The following PPFIA2 variants were observed in gnomAD, a reference collection of about 807,000 sequenced individuals.
PPFIA2 encodes the protein liprin-alpha-2.
A neutral mutation model predicts 175.5 loss-of-function variants in PPFIA2; 46 were observed. That is an observed-to-expected ratio of 0.26 (90% CI 0.21 to 0.34). The LOEUF is 0.34. Among genes scored for constraint, PPFIA2 ranks in the 10% least tolerant of loss-of-function variants. The pLI is 1.00. For synonymous variants in PPFIA2, 568 were observed against 511.4 expected, an observed-to-expected ratio of 1.11 and a Z score of -1.49; for missense variants, 1,179 against 1,506.1, an observed-to-expected ratio of 0.78 and a Z score of 3.60.
chr12:81,258,872 T>C lies in PPFIA2; in HGVS notation c.*822A>G, dbSNP rs531638856. On this transcript the variant is annotated 3_prime_UTR_variant, in exon 33 of 33. Coordinates refer to ENST00000549396, the MANE Select transcript of PPFIA2 (RefSeq NM_003625.5). ...AAGAAGTTTTTTTATCTTTTTTTTTTTCTTGGTCCACAGGTAACAAGAGAA... is the reference window on the plus strand; with the variant it reads ...AAGAAGTTTTTTTATCTTTTTTTTTCTCTTGGTCCACAGGTAACAAGAGAA... The C allele has an allele frequency of 1.3e-5, 2 of 152,108 alleles. No homozygotes were observed. Among genetic ancestry groups the C allele is most frequent in the Non-Finnish European group, 2.9e-5 (2 of 68,090 alleles). The allele number at this position is 152,108 out of a possible 1,614,324, so 9.4% of individuals were successfully genotyped here.
intron 21 of PPFIA2, among the ~76,000 whole-genome samples, chr12:81,326,214 T>G (rs562981740): frequency 6.6e-6 from 1 of 152,302 alleles, no homozygotes; most frequent in South Asian, 2.1e-4. Flanking sequence ...CAAATATCTA[T>G]GCAGCGTGTG....
intron 5 of PPFIA2, among the ~76,000 whole-genome samples, chr12:81,450,112 GTCTT>G (rs1433156752): frequency 1.3e-5 from 2 of 152,106 alleles, no homozygotes; most frequent in Non-Finnish European, 2.9e-5. Context: ...GTGTGCATGT[GTCTT>G]TATAGCATCA....
chr12:81,279,878 G>A (rs1262146165), intron 27 of PPFIA2, among the ~76,000 whole-genome samples: 1 of 152,068 alleles, frequency 6.6e-6, no homozygotes, highest in African/African-American at 2.4e-5. Flanking sequence ...GTACAAAGTT[G>A]TTTCTTCTAT....
Position 81,281,237 on chromosome 12 carries a change from A to T in PPFIA2, c.3212+20T>A. 6.6e-7 allele frequency: 1 copy of T among 1,514,830 alleles called. No homozygotes were observed. The highest frequency in any genetic ancestry group is 2.3e-5 in the East Asian group (1 of 43,110). The allele number at this position is 1,514,830 out of a possible 1,614,324, so 93.8% of individuals were successfully genotyped here. ...TTCATTTTAATTATTCTTTGGGGAA[A>T]AAAAAGAAAAAACACCTACCGATGG... On this transcript the variant is annotated intron_variant, in intron 27 of 32. Coordinates refer to ENST00000549396, the MANE Select transcript of PPFIA2 (RefSeq NM_003625.5).
chr12:81,705,623 G>A (rs2077043071), intron 3 of PPFIA2, among the ~76,000 whole-genome samples: 1 of 152,088 alleles, frequency 6.6e-6, no homozygotes, highest in African/African-American at 2.4e-5. Flanking sequence ...CAATATCTCA[G>A]TGAATTAATA....
chr12:81,440,841 T>C (rs1293527866), intron 6 of PPFIA2, among the ~76,000 whole-genome samples: 1 of 149,580 alleles, frequency 6.7e-6, no homozygotes, highest in African/African-American at 2.5e-5. Context: ...TATAAAACAA[T>C]TCAGAGAAAG....
chr12:81,734,121 T>C (rs147200889), intron 3 of PPFIA2, among the ~76,000 whole-genome samples: 199 of 151,884 alleles, frequency 1.3e-3, no homozygotes, highest in Non-Finnish European at 1.1e-3. Context: ...TCAGGGTGCA[T>C]ATTGTGCCCA....
At chr12:81,485,475 A>G (rs893044976) in intron 4 of PPFIA2, among the ~76,000 whole-genome samples, 5 of 151,804 alleles carry the variant, frequency 3.3e-5, no homozygotes, top group Admixed American at 2.0e-4. Flanking sequence ...GAAATAAAAG[A>G]GTACTTTCCC....
chr12:81,526,687 T>C (rs945463656), intron 4 of PPFIA2, among the ~76,000 whole-genome samples: 8 of 152,308 alleles, frequency 5.3e-5, no homozygotes, highest in Admixed American at 2.0e-4. Context: ...ATTGTGGAAA[T>C]AGAACACTAT....
At chr12:81,554,755 T>A in intron 4 of PPFIA2, among the ~76,000 whole-genome samples, 1 of 152,064 alleles carries the variant, frequency 6.6e-6, no homozygotes, top group East Asian at 1.9e-4. Flanking sequence ...TTAGATCAGG[T>A]GGACATTTAT....
At chr12:81,509,765 C>A (rs1468274587) in intron 4 of PPFIA2, among the ~76,000 whole-genome samples, 1 of 152,120 alleles carries the variant, frequency 6.6e-6, no homozygotes, top group African/African-American at 2.4e-5. Flanking sequence ...CTAGCTTGAA[C>A]AAGAAAGGAA....
rs577089007 is a variant in PPFIA2, at chr12:81,749,563, C to CA, written c.249+4409dup. On this transcript the variant is annotated intron_variant, in intron 3 of 32. Transcript: ENST00000549396. ...TAACTGACAATTATTCCCCCATTCTCAAAAATGTGTAGGATTATTTTGTCA... is the reference window on the plus strand; with the variant it reads ...TAACTGACAATTATTCCCCCATTCTCAAAAAATGTGTAGGATTATTTTGTCA... Among the ~76,000 whole-genome samples, 7 of 144,052 alleles carry CA rather than the reference C, an allele frequency of 4.9e-5. 1 individual carries two copies. The South Asian group carries it at 1.6e-3, about 32-fold the overall frequency. 94.5% of individuals were successfully genotyped at this position (144,052 alleles called of 152,430 possible).
intron 22 of PPFIA2, among the ~76,000 whole-genome samples, chr12:81,322,036 C>G (rs772739326): frequency 1.3e-5 from 2 of 152,118 alleles, no homozygotes; most frequent in Non-Finnish European, 2.9e-5. Context: ...GGGTCTCACT[C>G]TGCTGCCCAG....
intron 9 of PPFIA2, among the ~76,000 whole-genome samples, chr12:81,382,807 A>G (rs1367115996): frequency 6.6e-6 from 1 of 152,130 alleles, no homozygotes; most frequent in African/African-American, 2.4e-5. Flanking sequence ...AAAGAAGGAC[A>G]AGTTGGAGAT....
chr12:81,516,680 A>G (rs903148329), intron 4 of PPFIA2, among the ~76,000 whole-genome samples: 1 of 152,202 alleles, frequency 6.6e-6, no homozygotes, highest in Non-Finnish European at 1.5e-5. Context: ...AGATTCTTGC[A>G]AAGAGCCTTC....
At chr12:81,655,008 A>G (rs2153537630) in intron 4 of PPFIA2, among the ~76,000 whole-genome samples, 1 of 152,110 alleles carries the variant, frequency 6.6e-6, no homozygotes, top group Non-Finnish European at 1.5e-5. Flanking sequence ...GTATCACCTG[A>G]ATTTTTTATT....
chr12:81,723,514 T>C (rs2079629143), intron 3 of PPFIA2, among the ~76,000 whole-genome samples: 1 of 150,974 alleles, frequency 6.6e-6, no homozygotes, highest in Non-Finnish European at 1.5e-5. Flanking sequence ...GGGAAATAAA[T>C]GAAATGCATT....
chr12:81,655,272 T>C (rs2067607994), intron 4 of PPFIA2, among the ~76,000 whole-genome samples: 1 of 151,868 alleles, frequency 6.6e-6, no homozygotes, highest in African/African-American at 2.4e-5. Context: ...TTATCCTCTA[T>C]ATTAAATATT....
chr12:81,411,673 A>G (rs150197254), intron 7 of PPFIA2, among the ~76,000 whole-genome samples: 4 of 152,160 alleles, frequency 2.6e-5, no homozygotes, highest in Admixed American at 2.0e-4. Flanking sequence ...TTTCTTTGAT[A>G]TCCTGGAGAG....
Sources: allele counts gnomAD v4.1 joint callset (sites outside exome capture counted in the v4.1 genomes callset), GRCh38; gene constraint gnomAD v4.1.1; transcripts MANE v1.5; gene names NCBI Gene and HGNC (gene_info 2026-07-23, HGNC 2026-07-21).